The following NUP210 variants were observed in gnomAD, a reference collection of about 807,000 sequenced individuals.
The protein encoded by NUP210 is nuclear pore membrane glycoprotein 210.
Under a neutral mutation model 196.0 loss-of-function variants are expected in NUP210, and 151 were observed. The ratio of observed to expected loss-of-function variants is 0.77; its 90% CI spans 0.67 to 0.88. The LOEUF is 0.88. Among genes scored for constraint, NUP210 ranks in the 40% least tolerant of loss-of-function variants. The pLI is 0.00. For synonymous variants in NUP210, 1,070 were observed against 1,052.7 expected (o/e 1.02, Z -0.32); for missense variants, 2,314 against 2,493.7 (o/e 0.93, Z 1.53).
chr3:13,420,036 G>T lies in NUP210; in HGVS notation c.167+24C>A, dbSNP rs755143080. 85 of 1,212,700 alleles carry T rather than the reference G, an allele frequency of 7.0e-5. No homozygotes were observed. The highest frequency in any genetic ancestry group is 1.2e-4 in the Admixed American group (3 of 25,494). The allele number at this position is 1,212,700 out of a possible 1,614,324, so 75.1% of individuals were successfully genotyped here. A position where few individuals can be genotyped will look rare whatever the true frequency, so the allele number is the denominator to read the frequency against. ...AGGCCCAGCCCGGCCCACGGCGCCC[G>T]CCCGGCCCGGCCGCGCGCCTCACCA... On this transcript the variant is annotated intron_variant, in intron 1 of 39. Transcript: ENST00000254508. This position sits in a 1 kb window ranked among gnomAD's most constrained non-coding sequence, Gnocchi z 4.8.
intron 14 of NUP210, among the ~76,000 whole-genome samples, chr3:13,361,250 G>A (rs757823442): frequency 7.9e-5 from 12 of 152,242 alleles, no homozygotes; most frequent in African/African-American, 2.7e-4. Context: ...GGCACATAGC[G>A]GGTGCTCAGC....
At chr3:13,371,777 CCAGA>C in intron 13 of NUP210, 53 bp downstream of exon 13, 1 of 1,501,532 alleles carries the variant, frequency 6.7e-7, no homozygotes, top group Non-Finnish European at 9.1e-7. Flanking sequence ...TGCTGAGAAC[CCAGA>C]CAATCTGGCC....
intron 5 of NUP210, 124 bp from the exon 6 acceptor site, chr3:13,386,531 T>C: frequency 3.2e-6 from 4 of 1,254,502 alleles, no homozygotes; most frequent in Non-Finnish European, 4.4e-6. Context: ...AGAAACAAGA[T>C]ATCATTCCCA....
chr3:13,343,554 T>C (rs568098847), intron 20 of NUP210, among the ~76,000 whole-genome samples: 1 of 152,170 alleles, frequency 6.6e-6, no homozygotes, highest in Admixed American at 6.5e-5. Flanking sequence ...ATATAACACA[T>C]TAGTGCCAGG....
Position 13,386,318 on chromosome 3 carries a change from G to A in NUP210, c.774C>T (p.Ser258=). The A allele has an allele frequency of 6.2e-7, 1 of 1,614,178 alleles. No individual in the cohort carries two copies. Among genetic ancestry groups the A allele is most frequent in the Non-Finnish European group, 8.5e-7 (1 of 1,180,028 alleles). The stretch of plus-strand genomic sequence containing the variant: ...TGATCTTCTGCACCTTGTAGTGAAT[G>A]GAGGTTCCCACCATCAGGTAGACGT... ...AYDVYLMVGT[S]IHYKVQKIRQ... Residue 258 remains serine (S), a synonymous_variant, in exon 6 of 40, where the codon TCC becomes TCT. Transcript: ENST00000254508.
chr3:13,325,799 T>C lies in NUP210; in HGVS notation c.4640A>G (p.Lys1547Arg). 6.2e-7 allele frequency: 1 copy of C among 1,613,786 alleles called. No individual in the cohort carries two copies. The highest frequency in any genetic ancestry group is 2.2e-5 in the East Asian group (1 of 44,872). Residue 1547 changes from lysine (K) to arginine (R), a missense_variant, in exon 33 of 40, where the codon AAG becomes AGG. Coordinates refer to ENST00000254508, the MANE Select transcript of NUP210 (RefSeq NM_024923.4). ...CTCCGGCTGCTTAGAGCCCACCTCCTTGTAGGTCCTCAGGTGCCCAGCGAC... is the reference window on the plus strand; with the variant it reads ...CTCCGGCTGCTTAGAGCCCACCTCCCTGTAGGTCCTCAGGTGCCCAGCGAC... ...YEVAGHLRTYKEVVVSVPQRI... is the reference protein window; with the variant it reads ...YEVAGHLRTYREVVVSVPQRI...
intron 29 of NUP210, among the ~76,000 whole-genome samples, chr3:13,331,629 G>C (rs1439611441): frequency 6.6e-6 from 1 of 152,162 alleles, no homozygotes; most frequent in East Asian, 1.9e-4. Context: ...CCATATCTGT[G>C]TTCCTGGAGC....
At chr3:13,355,559 G>A (rs1459460625) in intron 16 of NUP210, among the ~76,000 whole-genome samples, 1 of 152,200 alleles carries the variant, frequency 6.6e-6, no homozygotes, top group Non-Finnish European at 1.5e-5. Context: ...GCCTGGCCAG[G>A]CCCCGCCTGC....
At chr3:13,376,210 T>G in intron 10 of NUP210, 81 bp downstream of exon 10, 1 of 1,485,734 alleles carries the variant, frequency 6.7e-7, no homozygotes, top group Non-Finnish European at 9.3e-7. Flanking sequence ...CTGGGACTCA[T>G]GGCCCTCCTG....
chr3:13,379,654 G>C lies in NUP210; in HGVS notation c.885C>G (p.Asp295Glu). ...CCAAGACAGCCACCGGCCGGGCTGG[G>C]TCTCCTTCGGGGCCCGGGATGCTGT... ...LQNSIPGPEG[D>E]PARPVAVLAQ... Residue 295 changes from aspartate to glutamate, a missense_variant, in exon 7 of 40, where the codon GAC becomes GAG. Transcript: ENST00000254508. The surrounding 1 kb of genome is among the most constrained non-coding windows in gnomAD (Gnocchi z 4.2). The C allele has an allele frequency of 1.2e-6, 2 of 1,613,996 alleles. No individual in the cohort carries two copies. Among genetic ancestry groups the C allele is most frequent in the Admixed American group, 3.3e-5 (2 of 60,002 alleles).
Position 13,376,393 on chromosome 3 carries a change from G to T in NUP210, c.1191C>A (p.Phe397Leu). Residue 397 changes from phenylalanine to leucine, a missense_variant, in exon 10 of 40, where the codon TTC becomes TTA. Transcript: ENST00000254508. ...RIETVLPAEF[F>L]EVLSSSQNGS... ...CATTCTGGGAGGACGAGAGCACCTCGAAGAACTCAGCAGGAAGCACAGTTT... is the reference window on the plus strand; with the variant it reads ...CATTCTGGGAGGACGAGAGCACCTCTAAGAACTCAGCAGGAAGCACAGTTT... The T allele has an allele frequency of 6.2e-7, 1 of 1,614,220 alleles. No homozygotes were observed. The highest frequency in any genetic ancestry group is 1.1e-5 in the South Asian group (1 of 91,080).
chr3:13,403,868 T>C (rs1699919834), intron 1 of NUP210, among the ~76,000 whole-genome samples: 1 of 152,168 alleles, frequency 6.6e-6, no homozygotes, highest in African/African-American at 2.4e-5. Flanking sequence ...GCATCCCCTC[T>C]TCAGCTGGCT....
Position 13,409,840 on chromosome 3 carries a change from A to ATT in NUP210, c.168-9981_168-9980dup, listed in dbSNP as rs35874792. Among the ~76,000 whole-genome samples the ATT allele has an allele frequency of 2.1e-3, 305 of 147,572 alleles. 1 individual carries two copies. Among genetic ancestry groups the ATT allele is most frequent in the Non-Finnish European group, 3.1e-3 (209 of 66,956 alleles). On this transcript the variant is annotated intron_variant, in intron 1 of 39. Transcript: ENST00000254508. ...ACCTCCAAATGTATCCTGAATACTA[A>ATT]TTTTTTTTTTTTTGGAGACGGAGTC...
At chr3:13,386,619 A>C (rs1699286746) in intron 5 of NUP210, among the ~76,000 whole-genome samples, 5 of 152,196 alleles carry the variant, frequency 3.3e-5, no homozygotes, top group African/African-American at 1.2e-4. Context: ...GGCATTACCC[A>C]GACTGAGCCC....
chr3:13,340,084 C>T lies in NUP210; in HGVS notation c.3292-51G>A, dbSNP rs892004196. On this transcript the variant is annotated intron_variant, in intron 24 of 39. Transcript: ENST00000254508. This position sits in a 1 kb window ranked among gnomAD's most constrained non-coding sequence, Gnocchi z 4.0. ...GTCAGTGCCCGTCATGCCAGGCAGC[C>T]CGCACCTCCCACTCAGAGAGCCAGG... 3.7e-6 allele frequency: 6 copies of T among 1,603,864 alleles called. No homozygotes were observed. Among genetic ancestry groups the T allele is most frequent in the Non-Finnish European group, 5.1e-6 (6 of 1,173,212 alleles).
At chr3:13,411,355 G>C (rs775545091) in intron 1 of NUP210, among the ~76,000 whole-genome samples, 5 of 152,248 alleles carry the variant, frequency 3.3e-5, no homozygotes, top group African/African-American at 4.8e-5. Context: ...TTCTGGATCT[G>C]AGGCTGGTTT....
chr3:13,373,221 C>T (rs756471696), intron 12 of NUP210, among the ~76,000 whole-genome samples: 4 of 152,230 alleles, frequency 2.6e-5, no homozygotes, highest in Non-Finnish European at 5.9e-5. Context: ...GTGACCACCA[C>T]CACCTGCCAC....
chr3:13,373,533 T>C (rs1576394864), intron 12 of NUP210, among the ~76,000 whole-genome samples, 185 bp downstream of exon 12: 1 of 152,160 alleles, frequency 6.6e-6, no homozygotes, highest in Non-Finnish European at 1.5e-5. Flanking sequence ...TTGGCTGGTG[T>C]GAGACATCCT....
intron 1 of NUP210, among the ~76,000 whole-genome samples, chr3:13,415,846 G>A (rs1033252667): frequency 1.1e-4 from 17 of 152,126 alleles, no homozygotes; most frequent in East Asian, 1.9e-4. Context: ...TTGGCTCAGC[G>A]TGCATCCCTC....
Sources: allele counts gnomAD v4.1 joint callset (sites outside exome capture counted in the v4.1 genomes callset), GRCh38; gene constraint gnomAD v4.1.1; non-coding constraint Gnocchi (gnomAD v3.1); transcripts MANE v1.5; gene names NCBI Gene and HGNC (gene_info 2026-07-23, HGNC 2026-07-21).